SLC45A4: variants seen among roughly 807,000 people sequenced by gnomAD.
The protein encoded by SLC45A4 is solute carrier family 45 member 4, also known as polyamine-transporter SLC45A4.
Under a neutral mutation model 63.7 loss-of-function variants are expected in SLC45A4, and 32 were observed. That is an observed-to-expected ratio of 0.50 (90% CI 0.38 to 0.67). The LOEUF is 0.67. Ranked by LOEUF, SLC45A4 falls within the 30% of genes least tolerant of loss-of-function variation. The probability of loss-of-function intolerance (pLI) is 0.00; values close to 1 mark genes in which losing one functional copy is unlikely to be tolerated. For missense variants in SLC45A4, 1,027 were observed against 1,157.7 expected (o/e 0.89, Z 1.64); for synonymous variants, 535 against 510.0 (o/e 1.05, Z -0.66).
chr8:141,294,939 G>A (rs1003075753), intron 1 of SLC45A4, among the ~76,000 whole-genome samples: 1 of 152,246 alleles, frequency 6.6e-6, no homozygotes, highest in African/African-American at 2.4e-5. Context: ...AGGAAAGTGA[G>A]TCAGGAACTG....
intron 1 of SLC45A4, among the ~76,000 whole-genome samples, chr8:141,306,947 G>T (rs1308754492): frequency 6.6e-6 from 1 of 152,186 alleles, no homozygotes; most frequent in Non-Finnish European, 1.5e-5. Flanking sequence ...TAATAAAAAC[G>T]ACAAGCCCTG....
intron 1 of SLC45A4, among the ~76,000 whole-genome samples, chr8:141,271,580 C>T (rs1452928947): frequency 6.6e-6 from 1 of 152,200 alleles, no homozygotes; most frequent in Admixed American, 6.5e-5. Flanking sequence ...TCAGGGTAAT[C>T]CCCCTCCTGA....
chr8:141,279,590 C>T (rs992436273), intron 1 of SLC45A4, among the ~76,000 whole-genome samples: 5 of 152,332 alleles, frequency 3.3e-5, no homozygotes, highest in South Asian at 2.1e-4. Flanking sequence ...TACACAATTC[C>T]GCATTCCCGA....
intron 1 of SLC45A4, among the ~76,000 whole-genome samples, chr8:141,299,519 G>C (rs565122702): frequency 1.5e-4 from 23 of 152,262 alleles, no homozygotes; most frequent in Non-Finnish European, 3.2e-4. Flanking sequence ...AATGGGCACG[G>C]TTAGGGACAG....
chr8:141,293,599 G>A (rs977018846), intron 1 of SLC45A4, among the ~76,000 whole-genome samples: 4 of 152,200 alleles, frequency 2.6e-5, no homozygotes, highest in Non-Finnish European at 5.9e-5. Context: ...AGGCATGCTC[G>A]GAAATGCATT....
At chr8:141,234,280 C>T (rs991252555) in intron 2 of SLC45A4, among the ~76,000 whole-genome samples, 5 of 152,190 alleles carry the variant, frequency 3.3e-5, no homozygotes, top group Non-Finnish European at 5.9e-5. Flanking sequence ...ACCGTCAGGA[C>T]CTCAAGGAGG....
chr8:141,244,961 G>GC (rs1828102304), intron 2 of SLC45A4, among the ~76,000 whole-genome samples: 1 of 125,054 alleles, frequency 8.0e-6, no homozygotes, highest in African/African-American at 2.8e-5. Flanking sequence ...CGTGGGTGGG[G>GC]GGGGGGGGCG....
chr8:141,283,007 C>A (rs1292095097), intron 1 of SLC45A4, among the ~76,000 whole-genome samples: 1 of 152,240 alleles, frequency 6.6e-6, no homozygotes, highest in Non-Finnish European at 1.5e-5. Flanking sequence ...CTGCCTGAGG[C>A]TCAGTGCCAG....
At chr8:141,279,801 C>T (rs1411844789) in intron 1 of SLC45A4, among the ~76,000 whole-genome samples, 1 of 152,242 alleles carries the variant, frequency 6.6e-6, no homozygotes, top group Non-Finnish European at 1.5e-5. Context: ...GCTGCAAGTC[C>T]AAACACAATC....
intron 1 of SLC45A4, among the ~76,000 whole-genome samples, chr8:141,257,449 A>C (rs1828846580): frequency 6.6e-6 from 1 of 152,250 alleles, no homozygotes; most frequent in South Asian, 2.1e-4. Flanking sequence ...GAACAAAAGC[A>C]ATTAGTTTTC....
chr8:141,296,798 T>C (rs1231242361), intron 1 of SLC45A4, among the ~76,000 whole-genome samples: 8 of 128,158 alleles, frequency 6.2e-5, no homozygotes, highest in African/African-American at 2.4e-4. Flanking sequence ...ATCATGCCAC[T>C]ATACTCCAGC....
chr8:141,242,997 A>C (rs1827993170), intron 2 of SLC45A4, among the ~76,000 whole-genome samples: 1 of 152,226 alleles, frequency 6.6e-6, no homozygotes, highest in Admixed American at 6.5e-5. Context: ...CCGGGTGGTG[A>C]CAGAGAGCTC....
chr8:141,255,624 G>A (rs1472827156), intron 1 of SLC45A4, among the ~76,000 whole-genome samples: 1 of 152,212 alleles, frequency 6.6e-6, no homozygotes, highest in Admixed American at 6.5e-5. Flanking sequence ...GGTGAGGCAG[G>A]AGAATCACTT....
At chr8:141,234,692 G>A (rs544607228) in intron 2 of SLC45A4, among the ~76,000 whole-genome samples, 163 of 152,314 alleles carry the variant, frequency 1.1e-3, no homozygotes, top group African/African-American at 3.6e-3. Context: ...CTTAGACCCT[G>A]TCAGGGCTGT....
At chr8:141,220,361 G>A (rs1826532189) in intron 3 of SLC45A4, among the ~76,000 whole-genome samples, 1 of 152,180 alleles carries the variant, frequency 6.6e-6, no homozygotes, top group South Asian at 2.1e-4. Context: ...ACAAGTTCTC[G>A]GGGCAGCCTG....
At position 141,217,153 on chromosome 8, in the gene SLC45A4, C is replaced by T. The variant is rs772118718; in HGVS notation, c.1666G>A (p.Ala556Thr). Residue 556 changes from alanine to threonine, a missense_variant, in exon 6 of 9, where the codon GCC (alanine) becomes ACC (threonine). Physicochemically the swap from Ala to Thr is moderately conservative, Grantham distance 58. Transcript: ENST00000517878. ...CCCCAGCAGCCCATCTTGACCCCGGCGTTGTAGGCTTGCCAGGCGGTCGAG... is the reference window on the plus strand; with the variant it reads ...CCCCAGCAGCCCATCTTGACCCCGGTGTTGTAGGCTTGCCAGGCGGTCGAG... ...SNSTAWQAYNAGVKMGCWGLV... is the reference protein window; with the variant it reads ...SNSTAWQAYNTGVKMGCWGLV... 3.1e-6 allele frequency: 5 copies of T among 1,613,936 alleles called. No homozygotes were observed. In the South Asian group the frequency reaches 3.3e-5, roughly 11 times the overall value.
At chr8:141,253,150 A>AGAGT (rs2154614680) in intron 2 of SLC45A4, 1 of 68,614 alleles carries the variant, frequency 1.5e-5, no homozygotes, top group African/African-American at 4.9e-5. Flanking sequence ...CCCACCTGCA[A>AGAGT]GTCTATGAAT....
At chr8:141,220,067 A>G (rs1781920040) in intron 3 of SLC45A4, among the ~76,000 whole-genome samples, 1 of 152,156 alleles carries the variant, frequency 6.6e-6, no homozygotes. Context: ...TGTTTATCAG[A>G]CCTCCAAGGG....
At chr8:141,224,254 T>G (rs1264277298) in intron 2 of SLC45A4, 2 of 152,202 alleles carry the variant, frequency 1.3e-5, no homozygotes, top group Non-Finnish European at 2.9e-5. Context: ...GATCCTTTTT[T>G]CTCTGGCTGC....
Sources: gnomAD v4.1 joint callset for allele counts (sites outside exome capture counted in the v4.1 genomes callset) on GRCh38, gnomAD v4.1.1 for gene constraint, MANE v1.5 for transcripts, NCBI Gene and HGNC (gene_info 2026-07-23, HGNC 2026-07-21) for gene names.